FUBP3: variants seen among roughly 807,000 people sequenced by gnomAD.
FUBP3 encodes far upstream element-binding protein 3.
FUBP3 carries 28 observed loss-of-function variants against 85.6 expected under a neutral mutation model. That is an observed-to-expected ratio of 0.33 (90% CI 0.24 to 0.45). The LOEUF (loss-of-function observed/expected upper bound fraction) is 0.45. Ranked by LOEUF, FUBP3 falls within the 20% of genes least tolerant of loss-of-function variation. The pLI is 1.00. For missense variants in FUBP3, 583 were observed against 755.1 expected, an observed-to-expected ratio of 0.77 and a Z score of 2.67; for synonymous variants, 271 against 271.4, an observed-to-expected ratio of 1.00 and a Z score of 0.01.
At chr9:130,606,947 A>G (rs1831490122) in intron 2 of FUBP3, among the ~76,000 whole-genome samples, 1 of 151,852 alleles carries the variant, frequency 6.6e-6, no homozygotes, top group African/African-American at 2.4e-5. Context: ...AATGTGTCTG[A>G]TCACCTTTTT....
chr9:130,632,351 G>T, intron 16 of FUBP3, 73 bp downstream of exon 16: 1 of 1,179,378 alleles, frequency 8.5e-7, no homozygotes. Context: ...GGGCCAAAAC[G>T]CCCTCGTTCA....
chr9:130,613,697 T>TCA lies in FUBP3; in HGVS notation c.347-591_347-590insCA, dbSNP rs1275383262. 2.0e-5 allele frequency among the ~76,000 whole-genome samples: 3 copies of TCA among 152,370 alleles called. No homozygotes were observed. In the East Asian group the frequency reaches 5.8e-4, roughly 29 times the overall value. ...GTGTCTTGAAGGCAGTAAGTCCTGT[T>TCA]AGCTATTTCTCTTTCATTTTTTTTG... On this transcript the variant is annotated intron_variant, in intron 5 of 18. Coordinates refer to ENST00000319725, the MANE Select transcript of FUBP3 (RefSeq NM_003934.2).
At chr9:130,589,623 C>T (rs1830493726) in intron 1 of FUBP3, among the ~76,000 whole-genome samples, 1 of 145,286 alleles carries the variant, frequency 6.9e-6, no homozygotes, top group African/African-American at 2.6e-5. Context: ...GGATTACAGG[C>T]ATGAACCCCT....
chr9:130,586,134 C>T (rs1208300741), intron 1 of FUBP3, among the ~76,000 whole-genome samples: 1 of 152,058 alleles, frequency 6.6e-6, no homozygotes, highest in Non-Finnish European at 1.5e-5. Context: ...AAGTAGCTGG[C>T]ATGCACCGCC....
At chr9:130,627,830 T>C (rs1360799212) in intron 12 of FUBP3, among the ~76,000 whole-genome samples, 7 of 152,204 alleles carry the variant, frequency 4.6e-5, no homozygotes, top group Middle Eastern at 3.2e-3. Context: ...TTCATTTGCT[T>C]GTGTCTCTAA....
chr9:130,592,755 G>A (rs1830687961), intron 1 of FUBP3, among the ~76,000 whole-genome samples: 1 of 152,024 alleles, frequency 6.6e-6, no homozygotes, highest in Non-Finnish European at 1.5e-5. Context: ...TGTTGCCCAG[G>A]CTGGTCTAGA....
Position 130,631,979 on chromosome 9 carries a change from A to G in FUBP3, c.1390A>G (p.Met464Val), listed in dbSNP as rs201741461. 44 of 1,613,722 alleles carry G rather than the reference A, an allele frequency of 2.7e-5. No individual in the cohort carries two copies. The African/African-American group carries it at 5.5e-4, about 20-fold the overall frequency. Residue 464 changes from methionine (M) to valine (V), a missense_variant, in exon 15 of 19, where the codon ATG becomes GTG. Met to Val is a conservative substitution (Grantham distance 21). Around this residue, in one of 3 missense-constraint regions of FUBP3, gnomAD observed 404 missense variants for 516.8 expected, o/e 0.78. Transcript: ENST00000319725. ...AAGGAGCTCCGGGTGCTTCCCAAACATGGCTGCCAAGGTGAATGGGAACCC... is the reference window on the plus strand; with the variant it reads ...AAGGAGCTCCGGGTGCTTCCCAAACGTGGCTGCCAAGGTGAATGGGAACCC... ...PPRSSGCFPN[M>V]AAKVNGNPHS...
chr9:130,634,756 C>T lies in FUBP3; in HGVS notation c.1582+18C>T, dbSNP rs1289437757. The stretch of plus-strand genomic sequence containing the variant: ...AAAACAGAGTGAGTGCCCGGCCCTC[C>T]TAACCTGTGGCAGCACAGTCCCCTC... On this transcript the variant is annotated intron_variant, in intron 17 of 18. Coordinates refer to ENST00000319725, the MANE Select transcript of FUBP3 (RefSeq NM_003934.2). The T allele has an allele frequency of 6.2e-7, 1 of 1,600,122 alleles. No individual in the cohort carries two copies. Among genetic ancestry groups the T allele is most frequent in the Non-Finnish European group, 8.6e-7 (1 of 1,169,238 alleles).
intron 1 of FUBP3, among the ~76,000 whole-genome samples, chr9:130,585,861 CTTATG>C (rs769426794): frequency 7.2e-5 from 11 of 152,226 alleles, no homozygotes; most frequent in East Asian, 3.8e-4. Flanking sequence ...CTTGTGCTTT[CTTATG>C]TTATGTCTGC....
At position 130,587,535 on chromosome 9, in the gene FUBP3, C is replaced by T. The variant is rs536913448; in HGVS notation, c.84+7771C>T. ...CTTAGCATTCTGCCTACAAGTGGGC[C>T]TCTCCATACCCACTTTAAATGTAGC... On this transcript the variant is annotated intron_variant, in intron 1 of 18. Coordinates refer to ENST00000319725, the MANE Select transcript of FUBP3 (RefSeq NM_003934.2). Among the ~76,000 whole-genome samples, 4 of 152,284 alleles carry T rather than the reference C, an allele frequency of 2.6e-5. No individual in the cohort carries two copies. In the South Asian group the frequency reaches 8.3e-4, roughly 32 times the overall value.
chr9:130,630,737 G>A lies in FUBP3; in HGVS notation c.1227G>A (p.Gly409=), dbSNP rs1221313642. ...ACCTGCGGAGATTCACCATCAGGGG[G>A]GTTCCCCAGCAGATCGAGGTGGCCA... The part of the protein sequence containing the change: ...DPNLRRFTIR[G]VPQQIEVARQ... Residue 409 remains glycine (G), a synonymous_variant, in exon 13 of 19, where the codon GGG becomes GGA. Coordinates refer to ENST00000319725, the MANE Select transcript of FUBP3 (RefSeq NM_003934.2). 3.2e-6 allele frequency: 5 copies of A among 1,573,946 alleles called. No homozygotes were observed. In the East Asian group the frequency reaches 9.5e-5, roughly 30 times the overall value.
At chr9:130,586,557 G>C (rs1180531452) in intron 1 of FUBP3, among the ~76,000 whole-genome samples, 2 of 151,414 alleles carry the variant, frequency 1.3e-5, no homozygotes, top group Non-Finnish European at 2.9e-5. Context: ...AGCTAATAAG[G>C]GCTATTAATT....
chr9:130,624,113 A>C (rs1829868433), intron 11 of FUBP3, among the ~76,000 whole-genome samples: 1 of 152,218 alleles, frequency 6.6e-6, no homozygotes, highest in African/African-American at 2.4e-5. Context: ...ACTTGATTTC[A>C]TGCACATCTT....
In FUBP3 at chr9:130,628,098, GCACGCGCA is replaced by G. The variant is rs1374249523; in HGVS notation, c.1117+1597_1117+1604del. ...GCACTAAACACACGCACGCACGCAC[GCACGCGCA>G]CACACACACACACACACACACCCCC... is the stretch of plus-strand genomic sequence containing the variant. On this transcript the variant is annotated intron_variant, in intron 12 of 18. Transcript: ENST00000319725. Among the ~76,000 whole-genome samples, 101 of 117,018 alleles carry G rather than the reference GCACGCGCA, an allele frequency of 8.6e-4. 2 individuals carry two copies. Among genetic ancestry groups the G allele is most frequent in the South Asian group, 8.1e-4 (3 of 3,714 alleles). 76.8% of individuals were successfully genotyped at this position (117,018 alleles called of 152,430 possible). A position where few individuals can be genotyped will look rare whatever the true frequency, so the allele number is the denominator to read the frequency against.
intron 3 of FUBP3, among the ~76,000 whole-genome samples, chr9:130,610,619 G>A (rs1831695029): frequency 6.6e-6 from 1 of 152,244 alleles, no homozygotes; most frequent in East Asian, 1.9e-4. Flanking sequence ...TGTGGTCATA[G>A]TGTATCGCCC....
At chr9:130,584,325 C>T (rs146522253) in intron 1 of FUBP3, among the ~76,000 whole-genome samples, 5,290 of 150,742 alleles carry the variant, frequency 0.035, 119 homozygotes, top group Non-Finnish European at 0.053. Context: ...CTCAGGAGTT[C>T]GAGACCAGCC....
chr9:130,596,369 T>C (rs988853560), intron 2 of FUBP3, among the ~76,000 whole-genome samples: 2 of 152,236 alleles, frequency 1.3e-5, no homozygotes, highest in Admixed American at 1.3e-4. Flanking sequence ...TTTGTACATA[T>C]TTCTGTGATG....
intron 16 of FUBP3, 115 bp downstream of exon 16, chr9:130,632,393 C>A: frequency 1.3e-6 from 1 of 766,660 alleles, no homozygotes. Context: ...TGCCCCTCCC[C>A]AAATGACAAG....
At chr9:130,589,775 A>T (rs1248378828) in intron 1 of FUBP3, among the ~76,000 whole-genome samples, 6 of 139,574 alleles carry the variant, frequency 4.3e-5, no homozygotes, top group Non-Finnish European at 6.0e-5. Flanking sequence ...TGGTGGCTTA[A>T]CCATAGCTCA....
Sources: gnomAD v4.1 joint callset for allele counts (sites outside exome capture counted in the v4.1 genomes callset) on GRCh38, gnomAD v4.1.1 for gene constraint, gnomAD v4.1.1 regional missense constraint, MANE v1.5 for transcripts, NCBI Gene and HGNC (gene_info 2026-07-23, HGNC 2026-07-21) for gene names.